VPS13A: variants seen among roughly 807,000 people sequenced by gnomAD.
VPS13A encodes vacuolar protein sorting 13 homolog A, also known as intermembrane lipid transfer protein VPS13A.
In VPS13A, 264 loss-of-function variants were observed where a neutral mutation model predicts 390.9. The observed-to-expected ratio is 0.68, with a 90% CI of 0.61 to 0.75. VPS13A has a LOEUF of 0.75. Among genes scored for constraint, VPS13A ranks in the 30% least tolerant of loss-of-function variants. The pLI is 0.00. For synonymous variants in VPS13A, 1,231 were observed against 1,227.1 expected (o/e 1.00, Z -0.07); for missense variants, 3,409 against 3,733.9 (o/e 0.91, Z 2.27).
chr9:77,288,102 C>T (rs11145373), intron 31 of VPS13A, among the ~76,000 whole-genome samples: 15,535 of 152,130 alleles, frequency 0.1, 821 homozygotes, highest in Middle Eastern at 0.13. Flanking sequence ...TTTGCAGTTT[C>T]CAAAGTATCA....
chr9:77,222,301 A>G (rs1326149287), intron 13 of VPS13A, among the ~76,000 whole-genome samples: 2 of 152,104 alleles, frequency 1.3e-5, no homozygotes, highest in Non-Finnish European at 2.9e-5. Context: ...AACCCTGAAT[A>G]AGTTATTCTG....
Position 77,357,728 on chromosome 9 carries a change from C to G in VPS13A, c.7843C>G (p.Leu2615Val), listed in dbSNP as rs759740955. The G allele has an allele frequency of 4.3e-6, 7 of 1,613,938 alleles. No individual in the cohort carries two copies. The highest frequency in any genetic ancestry group is 5.9e-6 in the Non-Finnish European group (7 of 1,179,996). Residue 2615 changes from leucine to valine, a missense_variant, in exon 56 of 72, where the codon CTG (leucine) becomes GTG (valine). Around this residue, in one of 5 missense-constraint regions of VPS13A, gnomAD observed 221 missense variants for 300.7 expected, o/e 0.73. Coordinates refer to ENST00000360280, the MANE Select transcript of VPS13A (RefSeq NM_033305.3). ...CCCTACTGGTCATAACATGAAAATTCTGCAGCCGCATGTAATAGCTCTACG... is the reference window on the plus strand; with the variant it reads ...CCCTACTGGTCATAACATGAAAATTGTGCAGCCGCATGTAATAGCTCTACG... ...LTPTGHNMKI[L>V]QPHVIALRRN...
intron 17 of VPS13A, among the ~76,000 whole-genome samples, chr9:77,235,608 A>G (rs1212625971): frequency 2.0e-5 from 3 of 152,070 alleles, no homozygotes; most frequent in South Asian, 2.1e-4. Flanking sequence ...GTTTTTGGCC[A>G]TTATTTCTCC....
chr9:77,294,744 G>T (rs762812334), intron 32 of VPS13A, among the ~76,000 whole-genome samples: 1 of 152,020 alleles, frequency 6.6e-6, no homozygotes, highest in African/African-American at 2.4e-5. Context: ...TTGCTCTGCA[G>T]CCCAGACTGG....
chr9:77,313,082 T>C (rs1265265169), intron 35 of VPS13A, among the ~76,000 whole-genome samples: 1 of 152,200 alleles, frequency 6.6e-6, no homozygotes, highest in African/African-American at 2.4e-5. Context: ...AGTGCATGAC[T>C]AGCTATAAGA....
chr9:77,357,952 CTTTTTT>C (rs5898534), intron 56 of VPS13A, 114 bp downstream of exon 56: 158 of 345,908 alleles, frequency 4.6e-4, no homozygotes, highest in Non-Finnish European at 5.2e-4. Context: ...TTGTGCTAGC[CTTTTTT>C]TTTTTTTTTT....
At chr9:77,224,855 G>T (rs1432436820) in intron 13 of VPS13A, among the ~76,000 whole-genome samples, 1 of 152,138 alleles carries the variant, frequency 6.6e-6, no homozygotes. Flanking sequence ...GTTGTGAAAA[G>T]AAGAGTCAAT....
At chr9:77,345,172 G>C (rs1418003654) in intron 52 of VPS13A, 30 bp downstream of exon 52, 2 of 1,609,192 alleles carry the variant, frequency 1.2e-6, no homozygotes, top group Non-Finnish European at 1.7e-6. Context: ...AGTAACTCTT[G>C]ATGGTGTAAG....
intron 34 of VPS13A, among the ~76,000 whole-genome samples, chr9:77,307,306 A>C (rs987497107): frequency 3.9e-5 from 6 of 152,170 alleles, no homozygotes; most frequent in African/African-American, 1.4e-4. Context: ...TCAGGATTGC[A>C]TTAGCTGGGC....
At chr9:77,340,675 A>G in intron 50 of VPS13A, 125 bp downstream of exon 50, 1 of 1,193,346 alleles carries the variant, frequency 8.4e-7, no homozygotes, top group Non-Finnish European at 1.2e-6. Context: ...AGTTTCATGA[A>G]TCTTTATTGA....
At chr9:77,236,709 CAGA>C (rs1020934009) in intron 17 of VPS13A, among the ~76,000 whole-genome samples, 1 of 152,172 alleles carries the variant, frequency 6.6e-6, no homozygotes, top group African/African-American at 2.4e-5. Flanking sequence ...AACACAGACT[CAGA>C]AAATAAGACA....
chr9:77,205,516 A>G (rs1403691678), intron 4 of VPS13A, 108 bp downstream of exon 4: 5 of 463,246 alleles, frequency 1.1e-5, no homozygotes, highest in Admixed American at 9.0e-5. Context: ...TAATATTTAA[A>G]TTTGATATTT....
In VPS13A at chr9:77,226,607, A is replaced by G. The variant is rs202016730; in HGVS notation, c.1357+9A>G. ...AGATGTTCAACCTGAAAGTATGTCC[A>G]TTTCATTTTACAGCATAGTTAATCA... On this transcript the variant is annotated intron_variant, in intron 15 of 71. Coordinates refer to ENST00000360280, the MANE Select transcript of VPS13A (RefSeq NM_033305.3). 5 of 1,611,394 alleles carry G rather than the reference A, an allele frequency of 3.1e-6. No individual in the cohort carries two copies. The highest frequency in any genetic ancestry group is 2.7e-5 in the African/African-American group (2 of 74,980).
intron 1 of VPS13A, among the ~76,000 whole-genome samples, chr9:77,198,214 A>G (rs748036740): frequency 2.6e-5 from 4 of 152,098 alleles, no homozygotes; most frequent in South Asian, 2.1e-4. Context: ...TTGGATCCTC[A>G]GGGGATGAGG....
intron 19 of VPS13A, among the ~76,000 whole-genome samples, chr9:77,239,889 A>G (rs1350507988): frequency 6.6e-6 from 1 of 151,996 alleles, no homozygotes. Context: ...TATAAATTAC[A>G]GTATACATTT....
chr9:77,184,243 G>A (rs1244887684), intron 1 of VPS13A, among the ~76,000 whole-genome samples: 1 of 152,076 alleles, frequency 6.6e-6, no homozygotes, highest in East Asian at 1.9e-4. Flanking sequence ...CTCATCTTCA[G>A]AGGCAACAAA....
At position 77,340,204 on chromosome 9, in the gene VPS13A, G is replaced by T. The variant is rs139107043; in HGVS notation, c.6801G>T (p.Glu2267Asp). ...TTCAACTTATGGTAACTGATAGTGA[G>T]TTGTCCAATCAGTTTTCAATTGATA... ...NKVQLMVTDS[E>D]LSNQFSIDTV... The change falls in exon 49 of 72, where the codon GAG becomes GAT. Residue 2267 changes from glutamate (E) to aspartate (D), a missense_variant. By Grantham distance (45) the Glu-to-Asp change is conservative. Around this residue, in one of 5 missense-constraint regions of VPS13A, gnomAD observed 2,717 missense variants for 2,917.4 expected, o/e 0.93. Coordinates refer to ENST00000360280, the MANE Select transcript of VPS13A (RefSeq NM_033305.3). 6.2e-6 allele frequency: 10 copies of T among 1,613,182 alleles called. No homozygotes were observed. The East Asian group carries it at 2.2e-4, about 36-fold the overall frequency.
intron 68 of VPS13A, chr9:77,382,288 A>T: frequency 6.5e-7 from 1 of 1,528,422 alleles, no homozygotes; most frequent in Non-Finnish European, 8.8e-7. Flanking sequence ...GGCATCAAAA[A>T]GTTTGATATG....
intron 1 of VPS13A, 37 bp from the exon 2 acceptor site, chr9:77,199,908 A>G (rs933055967): frequency 6.4e-7 from 1 of 1,555,924 alleles, no homozygotes; most frequent in African/African-American, 1.4e-5. Context: ...AATGAAAAAT[A>G]TTTGATTGTT....
Sources: allele counts gnomAD v4.1 joint callset (sites outside exome capture counted in the v4.1 genomes callset), GRCh38; gene constraint gnomAD v4.1.1; regional missense constraint gnomAD v4.1.1; transcripts MANE v1.5; gene names NCBI Gene and HGNC (gene_info 2026-07-23, HGNC 2026-07-21).